The following DCAF8L2 variants were observed in gnomAD, a reference collection of about 807,000 sequenced individuals.
DCAF8L2 encodes the protein DDB1- and CUL4-associated factor 8-like protein 2.
For synonymous variants in DCAF8L2, 200 were observed against 190.9 expected (o/e 1.05, Z -0.39); for missense variants, 430 against 490.7 (o/e 0.88, Z 1.17).
chrX:27,534,208 C>A, the DCAF8L2 span, among the ~76,000 whole-genome samples: 229 of 82,705 alleles, frequency 2.8e-3, no homozygotes, highest in Middle Eastern at 0.021. Flanking sequence ...GACCCTGTCT[C>A]AAAAAAAAAA....
At chrX:27,571,664 A>G in the DCAF8L2 span, among the ~76,000 whole-genome samples, 1 of 111,759 alleles carries the variant, frequency 8.9e-6, no homozygotes, top group Admixed American at 9.5e-5. Context: ...CTGACTGAAT[A>G]TGGAATAAGT....
chrX:27,655,202 A>T (rs930102987), intron 2 of DCAF8L2, among the ~76,000 whole-genome samples: 3 of 112,248 alleles, frequency 2.7e-5, no homozygotes, highest in Non-Finnish European at 5.6e-5. Context: ...ATAATCCAGA[A>T]AGTTAAAATA....
At chrX:27,518,102 T>C in the DCAF8L2 span, 1 of 909,890 alleles carries the variant, frequency 1.1e-6, no homozygotes, top group Non-Finnish European at 1.6e-6. Flanking sequence ...GAGGAATTAA[T>C]TCAAGAAATA....
At position 27,746,991 on chromosome X, in the gene DCAF8L2, G is replaced by A. The variant is rs1481299317; in HGVS notation, c.96G>A (p.Ala32=). 2.5e-6 allele frequency: 3 copies of A among 1,193,592 alleles called. No homozygotes were observed. Among genetic ancestry groups the A allele is most frequent in the East Asian group, 6.0e-5 (2 of 33,201 alleles). ...SPEEQSGAVA[A]TEASSDIDIA... The stretch of plus-strand genomic sequence containing the variant: ...AGGAGCAGTCTGGAGCCGTGGCGGC[G>A]ACAGAGGCCTCCTCAGACATTGACA... The change falls in exon 5 of 5, where the codon GCG becomes GCA. Residue 32 remains alanine, a synonymous_variant. Coordinates refer to ENST00000451261, the MANE Select transcript of DCAF8L2 (RefSeq NM_001353450.2).
At chrX:27,702,570 A>G (rs1164907577) in intron 3 of DCAF8L2, among the ~76,000 whole-genome samples, 1 of 111,355 alleles carries the variant, frequency 9.0e-6, no homozygotes, top group Non-Finnish European at 1.9e-5. Flanking sequence ...AATTGATTTA[A>G]TATATCATAT....
intron 1 of DCAF8L2, among the ~76,000 whole-genome samples, chrX:27,595,816 T>C (rs1437556406): frequency 9.0e-6 from 1 of 110,778 alleles, no homozygotes; most frequent in Non-Finnish European, 1.9e-5. Flanking sequence ...GAGAACAGCC[T>C]GGCCAACATG....
chrX:27,521,819 G>A, the DCAF8L2 span, among the ~76,000 whole-genome samples: 12 of 111,710 alleles, frequency 1.1e-4, no homozygotes, highest in South Asian at 3.7e-4. Flanking sequence ...AGGTATATAT[G>A]TATATACTAA....
At chrX:27,628,698 G>T (rs1928155342) in intron 1 of DCAF8L2, among the ~76,000 whole-genome samples, 1 of 109,138 alleles carries the variant, frequency 9.2e-6, no homozygotes, top group African/African-American at 3.3e-5. Context: ...CCGCCTCCCG[G>T]GTTCACGCCA....
At chrX:27,744,223 A>T (rs1222488635) in intron 4 of DCAF8L2, among the ~76,000 whole-genome samples, 1 of 111,601 alleles carries the variant, frequency 9.0e-6, no homozygotes, top group African/African-American at 3.3e-5. Flanking sequence ...GTTTAGGTGT[A>T]TCTGGAAGAC....
At chrX:27,488,815 C>A in the DCAF8L2 span, among the ~76,000 whole-genome samples, 7 of 110,095 alleles carry the variant, frequency 6.4e-5, no homozygotes, top group African/African-American at 2.3e-4. Flanking sequence ...GCCACCATGT[C>A]CCACTAATTT....
chrX:27,502,338 AT>A, the DCAF8L2 span, among the ~76,000 whole-genome samples: 25 of 27,535 alleles, frequency 9.1e-4, 1 homozygote, highest in Admixed American at 2.5e-3. Context: ...AAAAAAAAAT[AT>A]ATATATATAT....
At chrX:27,708,183 G>A (rs1216928285) in intron 3 of DCAF8L2, among the ~76,000 whole-genome samples, 3 of 111,010 alleles carry the variant, frequency 2.7e-5, no homozygotes, top group Non-Finnish European at 5.7e-5. Context: ...AGTTACCAGT[G>A]TCTATTGTTC....
chrX:27,470,852 A>G, the DCAF8L2 span, among the ~76,000 whole-genome samples: 6 of 112,323 alleles, frequency 5.3e-5, no homozygotes, highest in African/African-American at 1.9e-4. Flanking sequence ...TATTTATCAC[A>G]AAATGTGACC....
the DCAF8L2 span, among the ~76,000 whole-genome samples, chrX:27,577,958 A>G: frequency 8.9e-6 from 1 of 111,951 alleles, no homozygotes; most frequent in South Asian, 3.7e-4. Flanking sequence ...CAACATCATG[A>G]AAATGGTCAT....
At chrX:27,715,174 C>T (rs1381859746) in intron 3 of DCAF8L2, among the ~76,000 whole-genome samples, 1 of 109,958 alleles carries the variant, frequency 9.1e-6, no homozygotes, top group African/African-American at 3.3e-5. Flanking sequence ...GGACAGATCA[C>T]GAGGTCAGGA....
At chrX:27,535,658 G>A in the DCAF8L2 span, among the ~76,000 whole-genome samples, 1 of 111,647 alleles carries the variant, frequency 9.0e-6, no homozygotes, top group East Asian at 2.8e-4. Context: ...TAACTTCATG[G>A]TGCCAGAGTG....
intron 4 of DCAF8L2, among the ~76,000 whole-genome samples, chrX:27,725,880 A>G (rs1300810874): frequency 9.0e-6 from 1 of 111,161 alleles, no homozygotes; most frequent in Non-Finnish European, 1.9e-5. Flanking sequence ...ATAAATATAA[A>G]TCAGAACCGC....
Position 27,747,072 on chromosome X carries a change from T to A in DCAF8L2, c.177T>A (p.Asp59Glu). Reference sequence around the variant, plus strand: ...CCGGAGATGGCAGTGATAGCAGGGATGGTGGATTCCCCAACGATGCCAGCA... The same window carrying A: ...CCGGAGATGGCAGTGATAGCAGGGAAGGTGGATTCCCCAACGATGCCAGCA... ...TVTGDGSDSR[D>E]GGFPNDASTE... The change falls in exon 5 of 5, where the codon GAT (aspartate) becomes GAA (glutamate). Residue 59 changes from aspartate (D) to glutamate (E), a missense_variant. Physicochemically the swap from Asp to Glu is conservative, Grantham distance 45. Coordinates refer to ENST00000451261, the MANE Select transcript of DCAF8L2 (RefSeq NM_001353450.2). 8.6e-7 allele frequency: 1 copy of A among 1,168,556 alleles called. No homozygotes were observed. The highest frequency in any genetic ancestry group is 1.1e-6 in the Non-Finnish European group (1 of 873,327).
At chrX:27,498,686 C>T in the DCAF8L2 span, among the ~76,000 whole-genome samples, 2 of 112,016 alleles carry the variant, frequency 1.8e-5, no homozygotes, top group Non-Finnish European at 3.8e-5. Flanking sequence ...TCTTCAAGTT[C>T]GTACCTTTTG....
Sources: gnomAD v4.1 joint callset for allele counts (sites outside exome capture counted in the v4.1 genomes callset) on GRCh38, gnomAD v4.1.1 for gene constraint, MANE v1.5 for transcripts, NCBI Gene and HGNC (gene_info 2026-07-23, HGNC 2026-07-21) for gene names.